KCNH7: variants seen among roughly 807,000 people sequenced by gnomAD.
The protein encoded by KCNH7 is voltage-gated inwardly rectifying potassium channel KCNH7.
Under a neutral mutation model 120.8 loss-of-function variants are expected in KCNH7, and 49 were observed. The observed-to-expected ratio is 0.41, with a 90% CI of 0.32 to 0.51. KCNH7 has a LOEUF of 0.51. Among genes scored for constraint, KCNH7 ranks in the 20% least tolerant of loss-of-function variants. The pLI, the probability that KCNH7 is intolerant of heterozygous loss-of-function variation, is 0.38. For synonymous variants in KCNH7, 547 were observed against 516.1 expected (o/e 1.06, Z -0.81); for missense variants, 1,097 against 1,446.6 (o/e 0.76, Z 3.92).
chr2:162,775,187 T>C (rs548007570), intron 2 of KCNH7, among the ~76,000 whole-genome samples: 2 of 152,146 alleles, frequency 1.3e-5, no homozygotes, highest in Non-Finnish European at 2.9e-5. Flanking sequence ...TTCAAAAAAA[T>C]GAACTAGTTT....
chr2:162,730,069 C>T (rs1441271381), intron 2 of KCNH7, among the ~76,000 whole-genome samples: 1 of 147,820 alleles, frequency 6.8e-6, no homozygotes, highest in Non-Finnish European at 1.5e-5. Flanking sequence ...AATTATATTA[C>T]AGTAATAAAA....
chr2:162,775,337 C>T (rs1434587475), intron 2 of KCNH7, among the ~76,000 whole-genome samples: 1 of 152,052 alleles, frequency 6.6e-6, no homozygotes, highest in African/African-American at 2.4e-5. Context: ...ATTACACTGC[C>T]ATTGTGACTT....
Position 162,558,503 on chromosome 2 carries a change from C to CTT in KCNH7, c.308-21425_308-21424dup, listed in dbSNP as rs71410015. 4.8e-3 allele frequency among the ~76,000 whole-genome samples: 389 copies of CTT among 80,622 alleles called. 3 individuals carry two copies. The highest frequency in any genetic ancestry group is 5.7e-3 in the East Asian group (17 of 2,964). The allele number at this position is 80,622 out of a possible 152,430, so 52.9% of individuals were successfully genotyped here. ...TCTTTCTTTTGCATTTTCTCAATGG[C>CTT]TTTTTTTTTTTTTTTTTTTTTTGCC... is the stretch of plus-strand genomic sequence containing the variant. On this transcript the variant is annotated intron_variant, in intron 2 of 15. Transcript: ENST00000332142.
chr2:162,705,908 C>T (rs73014114), intron 2 of KCNH7, among the ~76,000 whole-genome samples: 2,410 of 152,108 alleles, frequency 0.016, 60 homozygotes, highest in African/African-American at 0.055. Flanking sequence ...TGCTCCCAGC[C>T]GGAGTATTCA....
intron 2 of KCNH7, among the ~76,000 whole-genome samples, chr2:162,610,688 C>T (rs1480333179): frequency 1.3e-5 from 2 of 152,190 alleles, no homozygotes; most frequent in Non-Finnish European, 2.9e-5. Flanking sequence ...TCATTTATCT[C>T]ATCTCTGCTA....
intron 5 of KCNH7, among the ~76,000 whole-genome samples, chr2:162,512,218 G>A (rs533007250): frequency 2.0e-5 from 3 of 151,880 alleles, no homozygotes; most frequent in East Asian, 2.0e-4. Context: ...ATCCAGGAAC[G>A]TGAAACTAGT....
intron 6 of KCNH7, among the ~76,000 whole-genome samples, chr2:162,461,928 G>C (rs970842580): frequency 6.6e-5 from 10 of 152,114 alleles, no homozygotes; most frequent in Admixed American, 5.9e-4. Context: ...CTATTTCCCT[G>C]CAAGTGATGA....
chr2:162,504,053 C>T (rs1462322570), intron 6 of KCNH7, among the ~76,000 whole-genome samples: 1 of 151,864 alleles, frequency 6.6e-6, no homozygotes, highest in African/African-American at 2.4e-5. Flanking sequence ...AAAAGGATAC[C>T]ACAGTTCAGA....
intron 3 of KCNH7, among the ~76,000 whole-genome samples, chr2:162,524,488 G>C (rs570913734): frequency 5.9e-5 from 9 of 152,136 alleles, no homozygotes; most frequent in African/African-American, 2.2e-4. Context: ...CCAGTACAGA[G>C]AGAGAAATAT....
Position 162,640,135 on chromosome 2 carries a change from C to T in KCNH7, c.308-103055G>A, listed in dbSNP as rs143465122. On this transcript the variant is annotated intron_variant, in intron 2 of 15. Transcript: ENST00000332142. ...TTCAATTCTCCCCAAATTGCTATAC[C>T]GGTTTAACACAATTCTTATCAAGAT... Among the ~76,000 whole-genome samples the T allele has an allele frequency of 1.6e-3, 241 of 152,140 alleles. 2 individuals are homozygous for T. The highest frequency in any genetic ancestry group is 5.5e-3 in the African/African-American group (228 of 41,506).
At chr2:162,610,004 G>A (rs961055142) in intron 2 of KCNH7, among the ~76,000 whole-genome samples, 2 of 152,184 alleles carry the variant, frequency 1.3e-5, no homozygotes, top group African/African-American at 4.8e-5. Context: ...AGGGAGCTTG[G>A]GGAAGATGAC....
intron 2 of KCNH7, among the ~76,000 whole-genome samples, chr2:162,562,636 G>T (rs1392249448): frequency 1.3e-5 from 2 of 152,178 alleles, no homozygotes; most frequent in African/African-American, 4.8e-5. Context: ...TGCTCACTTG[G>T]ACCTGGGCTT....
intron 2 of KCNH7, among the ~76,000 whole-genome samples, chr2:162,759,253 G>A (rs921086195): frequency 2.6e-5 from 4 of 152,084 alleles, no homozygotes; most frequent in Non-Finnish European, 5.9e-5. Flanking sequence ...GGAGTAAATT[G>A]GATTGTCCTC....
chr2:162,702,037 T>C (rs1686525378), intron 2 of KCNH7, among the ~76,000 whole-genome samples: 1 of 151,860 alleles, frequency 6.6e-6, no homozygotes, highest in East Asian at 1.9e-4. Context: ...ACTTTCTATG[T>C]TGGTGCTCAG....
intron 2 of KCNH7, among the ~76,000 whole-genome samples, chr2:162,732,416 AAGGTATACTACCTT>A (rs1192477455): frequency 1.2e-4 from 19 of 152,274 alleles, no homozygotes; most frequent in African/African-American, 4.1e-4. Flanking sequence ...CTTTCTTCAA[AAGGTATACTACCTT>A]AGAGTTAGTA....
chr2:162,775,583 T>G (rs1683204928), intron 2 of KCNH7, among the ~76,000 whole-genome samples: 1 of 152,156 alleles, frequency 6.6e-6, no homozygotes, highest in African/African-American at 2.4e-5. Flanking sequence ...TAGAGCTATA[T>G]AACCAGAGAA....
chr2:162,664,224 G>A (rs1032906163), intron 2 of KCNH7, among the ~76,000 whole-genome samples: 1 of 152,056 alleles, frequency 6.6e-6, no homozygotes, highest in Non-Finnish European at 1.5e-5. Flanking sequence ...TTTCTCCAGA[G>A]AAGTGCATAT....
chr2:162,517,689 C>A, intron 4 of KCNH7, 41 bp downstream of exon 4: 2 of 1,372,468 alleles, frequency 1.5e-6, no homozygotes, highest in South Asian at 1.4e-5. Context: ...CATTTATTAC[C>A]CATTAATATA....
chr2:162,536,324 G>C (rs1692106550), intron 3 of KCNH7, among the ~76,000 whole-genome samples: 1 of 151,944 alleles, frequency 6.6e-6, no homozygotes, highest in South Asian at 2.1e-4. Flanking sequence ...AATGTCCTTT[G>C]TGCTTAAATA....
Sources: gnomAD v4.1 joint callset for allele counts (sites outside exome capture counted in the v4.1 genomes callset) on GRCh38, gnomAD v4.1.1 for gene constraint, MANE v1.5 for transcripts, NCBI Gene and HGNC (gene_info 2026-07-23, HGNC 2026-07-21) for gene names.